TMEM132B: variants seen among roughly 807,000 people sequenced by gnomAD.
The protein encoded by TMEM132B is transmembrane protein 132B.
A neutral mutation model predicts 90.8 loss-of-function variants in TMEM132B; 18 were observed. That is an observed-to-expected ratio of 0.20 (90% CI 0.14 to 0.29). TMEM132B has a LOEUF of 0.29. Among genes scored for constraint, TMEM132B ranks in the 10% least tolerant of loss-of-function variants. TMEM132B has a pLI of 1.00. For synonymous variants in TMEM132B, 504 were observed against 523.3 expected (o/e 0.96, Z 0.50); for missense variants, 1,096 against 1,326.8 (o/e 0.83, Z 2.70).
At chr12:125,537,673 G>T (rs574880125) in intron 4 of TMEM132B, among the ~76,000 whole-genome samples, 1 of 152,196 alleles carries the variant, frequency 6.6e-6, no homozygotes, top group Non-Finnish European at 1.5e-5. Flanking sequence ...GGATGGGGAC[G>T]TCAGGTCCTG....
At chr12:125,510,451 A>G (rs957021872) in intron 3 of TMEM132B, among the ~76,000 whole-genome samples, 22 of 152,308 alleles carry the variant, frequency 1.4e-4, no homozygotes, top group African/African-American at 5.3e-4. Flanking sequence ...CTGACTTAGG[A>G]GTCAGATGGA....
At chr12:125,247,736 CT>C (rs1480311328) in intron 1 of TMEM132B, among the ~76,000 whole-genome samples, 2 of 152,230 alleles carry the variant, frequency 1.3e-5, no homozygotes, top group Non-Finnish European at 2.9e-5. Context: ...AGCATTTCCC[CT>C]AGCCGATGTC....
intron 5 of TMEM132B, among the ~76,000 whole-genome samples, chr12:125,629,499 A>G (rs1454233680): frequency 3.3e-5 from 5 of 152,114 alleles, no homozygotes; most frequent in South Asian, 2.1e-4. Flanking sequence ...GTATCCTGCA[A>G]TGTTACTGGA....
rs562802802 is a variant in TMEM132B, at chr12:125,408,211, C to T, written c.960-7320C>T. On this transcript the variant is annotated intron_variant, in intron 2 of 8. Transcript: ENST00000682704. The surrounding 1 kb of genome is among the most constrained non-coding windows in gnomAD (Gnocchi z 5.9). ...GTTGTGTGGTGATAGGCTGCTTCCT[C>T]GTTACTGCTGTATAGTGTTCCACTG... 1.2e-4 allele frequency among the ~76,000 whole-genome samples: 18 copies of T among 152,318 alleles called. No individual in the cohort carries two copies. Among genetic ancestry groups the T allele is most frequent in the African/African-American group, 4.1e-4 (17 of 41,566 alleles).
intron 1 of TMEM132B, among the ~76,000 whole-genome samples, chr12:125,281,505 G>A (rs1437785858): frequency 2.6e-5 from 4 of 152,194 alleles, no homozygotes; most frequent in African/African-American, 9.7e-5. Flanking sequence ...CTGTGTTTGA[G>A]CTTAAGTTCC....
At chr12:125,551,753 G>T in intron 4 of TMEM132B, among the ~76,000 whole-genome samples, 1 of 152,316 alleles carries the variant, frequency 6.6e-6, no homozygotes, top group African/African-American at 2.4e-5. Context: ...GGGCTGGTCA[G>T]CTGGGGGCAG....
intron 1 of TMEM132B, among the ~76,000 whole-genome samples, chr12:125,224,920 T>A (rs1178052058): frequency 1.3e-5 from 2 of 152,204 alleles, no homozygotes; most frequent in African/African-American, 4.8e-5. Flanking sequence ...ACACACACTT[T>A]TTTGCATTCT....
At chr12:125,366,299 T>A (rs2136261057) in intron 2 of TMEM132B, among the ~76,000 whole-genome samples, 1 of 152,306 alleles carries the variant, frequency 6.6e-6, no homozygotes, top group East Asian at 1.9e-4. Flanking sequence ...TTAGGTTGAT[T>A]CCATATTGTG....
rs368152539 is a variant in TMEM132B at position 125,653,627 on chromosome 12, C to T, written c.2169C>T (p.Tyr723=). 16 of 1,614,000 alleles carry T rather than the reference C, an allele frequency of 9.9e-6. No individual in the cohort carries two copies. The highest frequency in any genetic ancestry group is 2.7e-5 in the African/African-American group (2 of 74,916). Residue 723 remains tyrosine (Y), a synonymous_variant, in exon 9 of 9, where the codon TAC becomes TAT. Coordinates refer to ENST00000682704, the MANE Select transcript of TMEM132B (RefSeq NM_001366854.1). ...GTTCGGTGACACCTTTAGACATTTACGATCCTAAGGATTATTCTGTTACTG... is the reference window on the plus strand; with the variant it reads ...GTTCGGTGACACCTTTAGACATTTATGATCCTAAGGATTATTCTGTTACTG... The part of the protein sequence containing the change: ...SDGSVTPLDI[Y]DPKDYSVTVS...
chr12:125,588,631 C>A (rs1158871379), intron 5 of TMEM132B, among the ~76,000 whole-genome samples: 1 of 152,116 alleles, frequency 6.6e-6, no homozygotes, highest in Non-Finnish European at 1.5e-5. Context: ...CCCCTCTACA[C>A]CTGGGTTTTT....
intron 1 of TMEM132B, among the ~76,000 whole-genome samples, chr12:125,255,644 G>A (rs998491055): frequency 4.6e-5 from 7 of 152,118 alleles, no homozygotes; most frequent in African/African-American, 1.4e-4. Context: ...GGAGAGTGCC[G>A]GGCAGGGACT....
chr12:125,350,104 A>G lies in TMEM132B; in HGVS notation c.720A>G (p.Glu240=), dbSNP rs1324038662. The G allele has an allele frequency of 1.1e-5, 18 of 1,614,082 alleles. No individual in the cohort carries two copies. The highest frequency in any genetic ancestry group is 2.2e-5 in the East Asian group (1 of 44,892). ...DKAGQCPLEE[E]GKWENNIHSG... The stretch of plus-strand genomic sequence containing the variant: ...CTGGCCAGTGTCCTCTGGAGGAGGA[A>G]GGCAAGTGGGAGAACAATATCCACT... The change falls in exon 2 of 9, where the codon GAA becomes GAG. Residue 240 remains glutamate (E), a synonymous_variant. Transcript: ENST00000682704.
rs546095984 is a variant in TMEM132B, at chr12:125,191,093, G to A, written c.67+4227G>A. ...GTGATGGTGATGGGGAAGGGGTGGC[G>A]ATGGTGATGGGGAAGGGGTGGTGGT... On this transcript the variant is annotated intron_variant, in intron 1 of 8. Coordinates refer to ENST00000682704, the MANE Select transcript of TMEM132B (RefSeq NM_001366854.1). Among the ~76,000 whole-genome samples the A allele has an allele frequency of 2.3e-3, 129 of 57,118 alleles. 3 individuals are homozygous for A. The highest frequency in any genetic ancestry group is 4.1e-3 in the Non-Finnish European group (114 of 28,020). The allele number at this position is 57,118 out of a possible 152,430, so 37.5% of individuals were successfully genotyped here.
intron 1 of TMEM132B, among the ~76,000 whole-genome samples, chr12:125,329,485 C>T (rs960339765): frequency 3.3e-5 from 5 of 152,190 alleles, no homozygotes; most frequent in African/African-American, 1.2e-4. Flanking sequence ...GACTTTCTAG[C>T]CCAAGCCTCC....
intron 1 of TMEM132B, among the ~76,000 whole-genome samples, chr12:125,194,014 A>T (rs943063655): frequency 6.6e-6 from 1 of 152,164 alleles, no homozygotes; most frequent in Non-Finnish European, 1.5e-5. Context: ...TGGGGGCAGG[A>T]GAGAAAGAAG....
intron 3 of TMEM132B, among the ~76,000 whole-genome samples, chr12:125,464,571 T>G (rs775339689): frequency 6.6e-6 from 1 of 152,244 alleles, no homozygotes; most frequent in Admixed American, 6.5e-5. Flanking sequence ...CAGCATCTAC[T>G]GCAGGGCCTG....
At chr12:125,357,084 A>G (rs1315188590) in intron 2 of TMEM132B, among the ~76,000 whole-genome samples, 1 of 152,234 alleles carries the variant, frequency 6.6e-6, no homozygotes, top group Non-Finnish European at 1.5e-5. Flanking sequence ...ATACTTGTTG[A>G]ATGAATGAAT....
At chr12:125,271,674 C>T (rs9739896) in intron 1 of TMEM132B, among the ~76,000 whole-genome samples, 33,610 of 151,948 alleles carry the variant, frequency 0.22, 6,136 homozygotes, top group African/African-American at 0.5. Flanking sequence ...GGCATGTGCA[C>T]AGGTAGGAAG....
chr12:125,594,838 G>A (rs1336635466), intron 5 of TMEM132B, among the ~76,000 whole-genome samples: 2 of 152,160 alleles, frequency 1.3e-5, no homozygotes, highest in Admixed American at 1.3e-4. Context: ...TGTGGTTTGT[G>A]TTTTCATACT....
Sources: gnomAD v4.1 joint callset for allele counts (sites outside exome capture counted in the v4.1 genomes callset) on GRCh38, gnomAD v4.1.1 for gene constraint, Gnocchi (gnomAD v3.1) non-coding constraint, MANE v1.5 for transcripts, NCBI Gene and HGNC (gene_info 2026-07-23, HGNC 2026-07-21) for gene names.